Variants in KAZN observed in about 807,000 individuals in gnomAD.
The protein encoded by KAZN is kazrin, periplakin interacting protein, also known as kazrin.
Under a neutral mutation model 87.4 loss-of-function variants are expected in KAZN, and 40 were observed. That is an observed-to-expected ratio of 0.46 (90% CI 0.36 to 0.60). The LOEUF (loss-of-function observed/expected upper bound fraction) is 0.60, where lower values mean the gene tolerates loss of function less well. Among genes scored for constraint, KAZN ranks in the 20% least tolerant of loss-of-function variants. KAZN has a pLI of 0.00. For synonymous variants in KAZN, 466 were observed against 458.3 expected (o/e 1.02, Z -0.22); for missense variants, 898 against 1,073.9 (o/e 0.84, Z 2.29).
chr1:14,937,134 C>T (rs1660548755), intron 1 of KAZN, among the ~76,000 whole-genome samples: 1 of 152,146 alleles, frequency 6.6e-6, no homozygotes, highest in Admixed American at 6.5e-5. Flanking sequence ...TCTTGCAGTG[C>T]CATCTGCAAG....
At chr1:14,883,408 A>G (rs1243831131) in intron 1 of KAZN, among the ~76,000 whole-genome samples, 1 of 146,096 alleles carries the variant, frequency 6.8e-6, no homozygotes, top group Admixed American at 6.8e-5. Flanking sequence ...AGAAAGAAAG[A>G]AAGAAAGAAA....
In KAZN at chr1:15,052,840, C is replaced by T. The variant is rs557293954; in HGVS notation, c.727-3251C>T. On this transcript the variant is annotated intron_variant, in intron 4 of 14. Coordinates refer to ENST00000376030, the MANE Select transcript of KAZN (RefSeq NM_201628.3). Reference sequence around the variant, plus strand: ...AGGGGACCTCCCAATTGTCAGGTAGCAAGGATGTCAAGCTGCCTACTGAGA... The same window carrying T: ...AGGGGACCTCCCAATTGTCAGGTAGTAAGGATGTCAAGCTGCCTACTGAGA... 4.6e-5 allele frequency among the ~76,000 whole-genome samples: 7 copies of T among 152,272 alleles called. No homozygotes were observed. In the South Asian group the frequency reaches 1.4e-3, roughly 32 times the overall value.
chr1:14,912,016 G>A (rs1010272142), intron 1 of KAZN, among the ~76,000 whole-genome samples: 4 of 151,946 alleles, frequency 2.6e-5, no homozygotes, highest in Admixed American at 2.6e-4. Flanking sequence ...GCTGGGTGTG[G>A]TGACGGGCAC....
chr1:14,737,736 G>A (rs1449713158), intron 1 of KAZN, among the ~76,000 whole-genome samples: 1 of 152,134 alleles, frequency 6.6e-6, no homozygotes, highest in East Asian at 1.9e-4. Context: ...TCTGTTCTTT[G>A]CAGCTGTAAG....
chr1:15,004,338 C>A (rs1378394516), intron 2 of KAZN, among the ~76,000 whole-genome samples: 2 of 152,194 alleles, frequency 1.3e-5, no homozygotes, highest in African/African-American at 4.8e-5. Flanking sequence ...AGGACGCCCG[C>A]TGTGCAGAAG....
chr1:14,789,104 G>A (rs553876712), intron 1 of KAZN, among the ~76,000 whole-genome samples: 2 of 152,328 alleles, frequency 1.3e-5, no homozygotes, highest in Admixed American at 6.5e-5. Context: ...CATGTCGGGA[G>A]CATTCGTTCA....
chr1:14,448,076 A>G (rs1397484547), intron 2 of KAZN, among the ~76,000 whole-genome samples: 2 of 152,186 alleles, frequency 1.3e-5, no homozygotes, highest in African/African-American at 4.8e-5. Context: ...TGTGGTTAAG[A>G]TTGTTCTCAA....
intron 1 of KAZN, among the ~76,000 whole-genome samples, chr1:14,092,645 A>C (rs1487042254): frequency 2.0e-5 from 3 of 150,212 alleles, no homozygotes; most frequent in Admixed American, 1.3e-4. Context: ...ACACACACAC[A>C]CGCACTGGTA....
At chr1:14,301,283 C>G (rs906236411) in intron 2 of KAZN, among the ~76,000 whole-genome samples, 1 of 152,198 alleles carries the variant, frequency 6.6e-6, no homozygotes. Context: ...GAGTCAGACA[C>G]GGTAGAGGAG....
intron 2 of KAZN, among the ~76,000 whole-genome samples, chr1:14,425,741 T>A (rs961355041): frequency 3.3e-5 from 5 of 152,186 alleles, no homozygotes; most frequent in African/African-American, 1.2e-4. Flanking sequence ...CACTTGGTCC[T>A]CCCAGTGGCC....
intron 1 of KAZN, among the ~76,000 whole-genome samples, chr1:14,633,495 C>T (rs1245198271): frequency 2.0e-5 from 3 of 152,154 alleles, no homozygotes; most frequent in Non-Finnish European, 4.4e-5. Flanking sequence ...ACTGGATTCT[C>T]CCCTAGAGCT....
chr1:13,893,835 G>A (rs1471802424), intron 1 of KAZN: 3 of 1,463,298 alleles, frequency 2.1e-6, no homozygotes, highest in Non-Finnish European at 2.8e-6. Flanking sequence ...ACAGCGGTCT[G>A]TGTGTGTCTG....
At chr1:14,544,390 C>A (rs2148500734) in intron 2 of KAZN, among the ~76,000 whole-genome samples, 1 of 104,302 alleles carries the variant, frequency 9.6e-6, no homozygotes, top group African/African-American at 3.6e-5. Context: ...AGAATCTTCT[C>A]AAAAATGTGA....
chr1:14,414,213 G>A (rs1193106900), intron 2 of KAZN, among the ~76,000 whole-genome samples: 1 of 152,132 alleles, frequency 6.6e-6, no homozygotes, highest in African/African-American at 2.4e-5. Context: ...GCAATATTTA[G>A]TAACACTAGA....
At chr1:14,768,634 T>A (rs530927634) in intron 1 of KAZN, among the ~76,000 whole-genome samples, 1 of 152,336 alleles carries the variant, frequency 6.6e-6, no homozygotes, top group South Asian at 2.1e-4. Flanking sequence ...TTTGAGCATT[T>A]GCTATTAGAT....
intron 1 of KAZN, among the ~76,000 whole-genome samples, chr1:14,731,380 G>A (rs1417332211): frequency 3.3e-5 from 5 of 152,190 alleles, no homozygotes; most frequent in Non-Finnish European, 2.9e-5. Flanking sequence ...GCTTGGCTGG[G>A]CAGTGGGCTA....
intron 2 of KAZN, among the ~76,000 whole-genome samples, chr1:15,022,718 T>C (rs1670806242): frequency 1.3e-5 from 2 of 152,202 alleles, no homozygotes; most frequent in South Asian, 4.1e-4. Context: ...CTCAAAACTT[T>C]GGGAGGCCTG....
intron 1 of KAZN, among the ~76,000 whole-genome samples, chr1:14,772,931 C>T (rs576191840): frequency 6.6e-6 from 1 of 152,142 alleles, no homozygotes; most frequent in African/African-American, 2.4e-5. Flanking sequence ...TTTCCCGTGC[C>T]TGGGGTGTGA....
chr1:14,921,168 A>ACACAC (rs999371138), intron 1 of KAZN, among the ~76,000 whole-genome samples: 36 of 151,626 alleles, frequency 2.4e-4, no homozygotes, highest in African/African-American at 8.2e-4. Context: ...ACACACACAC[A>ACACAC]CACACACACA....
Sources: gnomAD v4.1 joint callset for allele counts (sites outside exome capture counted in the v4.1 genomes callset) on GRCh38, gnomAD v4.1.1 for gene constraint, MANE v1.5 for transcripts, NCBI Gene and HGNC (gene_info 2026-07-23, HGNC 2026-07-21) for gene names.